Variants in ADAMTS18 observed in about 807,000 individuals in gnomAD.
ADAMTS18 encodes the protein ADAM metallopeptidase with thrombospondin type 1 motif 18.
Under a neutral mutation model 165.9 loss-of-function variants are expected in ADAMTS18, and 157 were observed. The observed-to-expected ratio is 0.95, with a 90% CI of 0.83 to 1.08. ADAMTS18 has a LOEUF of 1.08. Among genes scored for constraint, ADAMTS18 ranks in the 50% least tolerant of loss-of-function variants. The pLI, the probability that ADAMTS18 is intolerant of heterozygous loss-of-function variation, is 0.00. For synonymous variants in ADAMTS18, 782 were observed against 578.2 expected (o/e 1.35, Z -5.06); for missense variants, 2,040 against 1,534.0 (o/e 1.33, Z -5.51).
chr16:77,325,400 T>C (rs911781741), intron 13 of ADAMTS18, among the ~76,000 whole-genome samples: 7 of 152,200 alleles, frequency 4.6e-5, no homozygotes, highest in African/African-American at 1.7e-4. Context: ...TTTTTATTTA[T>C]GATTCTGTGT....
chr16:77,384,663 G>T (rs1189574961), intron 3 of ADAMTS18, among the ~76,000 whole-genome samples: 1 of 152,128 alleles, frequency 6.6e-6, no homozygotes, highest in African/African-American at 2.4e-5. Flanking sequence ...CATTTCTACT[G>T]CCTGTAGCAG....
At chr16:77,297,149 C>T in intron 18 of ADAMTS18, 140 bp downstream of exon 18, 1 of 1,280,546 alleles carries the variant, frequency 7.8e-7, no homozygotes, top group South Asian at 1.3e-5. Flanking sequence ...TCATCATCTT[C>T]TATTACTTTT....
intron 3 of ADAMTS18, among the ~76,000 whole-genome samples, chr16:77,394,637 T>A (rs2057233364): frequency 6.6e-6 from 1 of 152,162 alleles, no homozygotes; most frequent in Non-Finnish European, 1.5e-5. Flanking sequence ...GCATTTGAAA[T>A]TACTTTTTGA....
At chr16:77,372,287 A>C (rs1034520581) in intron 3 of ADAMTS18, among the ~76,000 whole-genome samples, 1 of 152,216 alleles carries the variant, frequency 6.6e-6, no homozygotes, top group African/African-American at 2.4e-5. Flanking sequence ...AAGGAAATGA[A>C]CTCAGTATGT....
chr16:77,306,303 C>T (rs748019325), intron 16 of ADAMTS18, among the ~76,000 whole-genome samples: 7 of 152,130 alleles, frequency 4.6e-5, no homozygotes, highest in South Asian at 2.1e-4. Flanking sequence ...CAGCTCTAAC[C>T]GCAGGGTGCA....
chr16:77,379,349 G>A (rs1282527154), intron 3 of ADAMTS18, among the ~76,000 whole-genome samples: 4 of 151,788 alleles, frequency 2.6e-5, no homozygotes, highest in African/African-American at 4.8e-5. Context: ...GGAGAAGAAC[G>A]CTTGCTACTG....
rs113693298 is a variant in ADAMTS18 at position 77,341,806 on chromosome 16, TAA to T, written c.1615-9_1615-8del. 1.9e-6 allele frequency: 3 copies of T among 1,576,326 alleles called. No homozygotes were observed. Among genetic ancestry groups the T allele is most frequent in the African/African-American group, 2.8e-5 (2 of 72,544 alleles). Reference sequence around the variant, plus strand: ...AAAGTGATTTGCAAATATCCTGAAATAAAAAAAAAGGGGGGTGCTGTTAATGG... The same window carrying T: ...AAAGTGATTTGCAAATATCCTGAAATAAAAAAAGGGGGGTGCTGTTAATGG... On this transcript the variant is annotated splice_polypyrimidine_tract_variant and splice_region_variant and intron_variant, in intron 10 of 22. Transcript: ENST00000282849.
intron 3 of ADAMTS18, among the ~76,000 whole-genome samples, chr16:77,426,217 A>G (rs940041502): frequency 3.3e-5 from 5 of 152,192 alleles, no homozygotes; most frequent in Non-Finnish European, 5.9e-5. Context: ...TTGTATGACC[A>G]TAAACCACTT....
At chr16:77,362,002 G>A (rs2056721857) in intron 7 of ADAMTS18, 103 bp downstream of exon 7, 2 of 1,286,506 alleles carry the variant, frequency 1.6e-6, no homozygotes, top group Middle Eastern at 2.5e-4. Context: ...TAAATATTAT[G>A]TCTGTTTATT....
intron 3 of ADAMTS18, among the ~76,000 whole-genome samples, chr16:77,380,241 C>T (rs1260771018): frequency 6.6e-6 from 1 of 152,210 alleles, no homozygotes; most frequent in African/African-American, 2.4e-5. Context: ...CAAAGATTAA[C>T]AGATTCAGTC....
intron 9 of ADAMTS18, among the ~76,000 whole-genome samples, chr16:77,354,465 T>C (rs1378711535): frequency 6.6e-6 from 1 of 152,134 alleles, no homozygotes; most frequent in Non-Finnish European, 1.5e-5. Context: ...TCAGATATGT[T>C]TGACTGTGAC....
intron 3 of ADAMTS18, among the ~76,000 whole-genome samples, chr16:77,388,377 G>C (rs1284931697): frequency 6.6e-6 from 1 of 152,154 alleles, no homozygotes; most frequent in Non-Finnish European, 1.5e-5. Context: ...TGGGGTTACA[G>C]GTATGAGCCA....
chr16:77,360,749 T>C (rs2056700821), intron 7 of ADAMTS18, among the ~76,000 whole-genome samples: 2 of 152,206 alleles, frequency 1.3e-5, no homozygotes, highest in East Asian at 1.9e-4. Flanking sequence ...AACTTATTTA[T>C]AGGACATAAC....
chr16:77,384,381 C>T (rs925033305), intron 3 of ADAMTS18, among the ~76,000 whole-genome samples: 2 of 152,180 alleles, frequency 1.3e-5, no homozygotes, highest in African/African-American at 4.8e-5. Context: ...CTCTCTCTTT[C>T]CCTGTAACAT....
intron 10 of ADAMTS18, among the ~76,000 whole-genome samples, chr16:77,346,598 C>G (rs2056480880): frequency 6.6e-6 from 1 of 152,134 alleles, no homozygotes; most frequent in African/African-American, 2.4e-5. Flanking sequence ...ACTATCTCCT[C>G]AACATGCTCA....
At position 77,300,167 on chromosome 16, in the gene ADAMTS18, G is replaced by A. The variant is rs909971241; in HGVS notation, c.2674+96C>T. 8.4e-6 allele frequency: 12 copies of A among 1,422,670 alleles called. 1 individual carries two copies. The South Asian group carries it at 1.1e-4, about 13-fold the overall frequency. 88.1% of individuals were successfully genotyped at this position (1,422,670 alleles called of 1,614,324 possible). A position where few individuals can be genotyped will look rare whatever the true frequency, so the allele number is the denominator to read the frequency against. Reference sequence around the variant, plus strand: ...TTCTCATAAAAGACAGTTCTTGGGTGGCTTATTTAAACCATATTATGTTAA... The same window carrying A: ...TTCTCATAAAAGACAGTTCTTGGGTAGCTTATTTAAACCATATTATGTTAA... On this transcript the variant is annotated intron_variant, in intron 17 of 22. Transcript: ENST00000282849.
intron 3 of ADAMTS18, among the ~76,000 whole-genome samples, chr16:77,417,101 T>C (rs1055469151): frequency 1.5e-4 from 23 of 152,066 alleles, no homozygotes; most frequent in African/African-American, 5.3e-4. Flanking sequence ...ATATTAATTT[T>C]GTTGCAGCAT....
At chr16:77,304,016 C>T (rs1331475441) in intron 16 of ADAMTS18, among the ~76,000 whole-genome samples, 1 of 151,494 alleles carries the variant, frequency 6.6e-6, no homozygotes, top group Non-Finnish European at 1.5e-5. Flanking sequence ...GGCGACAGAG[C>T]AACACTCCAT....
Position 77,410,112 on chromosome 16 carries a change from C to T in ADAMTS18, c.495+21183G>A, listed in dbSNP as rs576199345. On this transcript the variant is annotated intron_variant, in intron 3 of 22. Transcript: ENST00000282849. ...ACACACACCCACACACATTTTATAA[C>T]ATGGCTCAGTGCACAAACACACTAC... 6.6e-5 allele frequency among the ~76,000 whole-genome samples: 10 copies of T among 152,240 alleles called. No homozygotes were observed. The East Asian group carries it at 1.9e-3, about 29-fold the overall frequency.
Sources: gnomAD v4.1 joint callset for allele counts (sites outside exome capture counted in the v4.1 genomes callset) on GRCh38, gnomAD v4.1.1 for gene constraint, MANE v1.5 for transcripts, NCBI Gene and HGNC (gene_info 2026-07-23, HGNC 2026-07-21) for gene names.